Variants in SPAG17 observed in about 807,000 individuals in gnomAD.
SPAG17 encodes the protein sperm-associated antigen 17.
SPAG17 carries 169 observed loss-of-function variants against 273.6 expected under a neutral mutation model. The ratio of observed to expected loss-of-function variants is 0.62; its 90% CI spans 0.55 to 0.70. The LOEUF is 0.70. Among genes scored for constraint, SPAG17 ranks in the 30% least tolerant of loss-of-function variants. The pLI is 0.00. For missense variants in SPAG17, 2,557 were observed against 2,627.8 expected, an observed-to-expected ratio of 0.97 and a Z score of 0.59; for synonymous variants, 825 against 873.2, an observed-to-expected ratio of 0.94 and a Z score of 0.97.
At chr1:118,094,176 A>G (rs61836259) in intron 7 of SPAG17, among the ~76,000 whole-genome samples, 5,829 of 152,280 alleles carry the variant, frequency 0.038, 187 homozygotes, top group Non-Finnish European at 0.055. Flanking sequence ...ACTAAGACCA[A>G]GGCTTCTTCA....
intron 17 of SPAG17, among the ~76,000 whole-genome samples, chr1:118,069,357 A>AAAAAAAAAAAAAAAAAT (rs1653334663): frequency 1.3e-5 from 2 of 151,034 alleles, no homozygotes; most frequent in Non-Finnish European, 3.0e-5. Context: ...AAAAAAAAAA[A>AAAAAAAAAAAAAAAAAT]AGTGGTGGTA....
chr1:118,013,785 T>C (rs374641360), intron 29 of SPAG17, among the ~76,000 whole-genome samples: 12 of 152,298 alleles, frequency 7.9e-5, no homozygotes, highest in African/African-American at 2.9e-4. Context: ...TAGAATAGGA[T>C]AATCATTCTT....
chr1:118,127,846 G>T (rs908752506), intron 3 of SPAG17, among the ~76,000 whole-genome samples: 1 of 152,134 alleles, frequency 6.6e-6, no homozygotes, highest in African/African-American at 2.4e-5. Flanking sequence ...CTAGGTGGCT[G>T]GGCACAGTGG....
chr1:118,144,034 GCTAA>G (rs993892631), intron 3 of SPAG17, among the ~76,000 whole-genome samples: 9 of 152,208 alleles, frequency 5.9e-5, no homozygotes, highest in South Asian at 2.1e-4. Flanking sequence ...CTCCTGGACT[GCTAA>G]CTATTTGCCA....
chr1:118,022,119 C>T (rs1390723822), intron 28 of SPAG17, among the ~76,000 whole-genome samples: 1 of 152,020 alleles, frequency 6.6e-6, no homozygotes, highest in Non-Finnish European at 1.5e-5. Context: ...GTTTGTAAGG[C>T]AGGAGAGGCA....
intron 1 of SPAG17, among the ~76,000 whole-genome samples, chr1:118,179,823 CA>C (rs1660858328): frequency 6.6e-6 from 1 of 151,740 alleles, no homozygotes; most frequent in Non-Finnish European, 1.5e-5. Flanking sequence ...TACAAATGAC[CA>C]AAAGGTATAT....
chr1:117,957,103 C>T (rs760296489), intron 48 of SPAG17: 3 of 1,607,064 alleles, frequency 1.9e-6, no homozygotes, highest in African/African-American at 1.3e-5. Context: ...CTGCCTTTCT[C>T]TTATGTCCCA....
intron 1 of SPAG17, among the ~76,000 whole-genome samples, chr1:118,174,820 G>A (rs1026265421): frequency 8.5e-5 from 13 of 152,136 alleles, no homozygotes; most frequent in African/African-American, 3.1e-4. Flanking sequence ...TATATTTAAA[G>A]TGCTGAAAGA....
rs764137607 is a variant in SPAG17 at position 118,086,970 on chromosome 1, C to T, written c.1398G>A (p.Leu466=). 1 of 1,584,718 alleles carries T rather than the reference C, an allele frequency of 6.3e-7. No individual in the cohort carries two copies. Among genetic ancestry groups the T allele is most frequent in the Non-Finnish European group, 8.6e-7 (1 of 1,169,088 alleles). ...CGTCTGCTCTGGGGGATGGCTCCCG[C>T]AGACTGGGTGGGACGAGATCTTCTT... ...ATEEDLVPPS[L]REPSPRADGL... Residue 466 remains leucine (L), a synonymous_variant, in exon 11 of 49, where the codon CTG becomes CTA. Transcript: ENST00000336338.
At chr1:118,071,053 A>C (rs570001886) in intron 17 of SPAG17, among the ~76,000 whole-genome samples, 1 of 152,212 alleles carries the variant, frequency 6.6e-6, no homozygotes, top group African/African-American at 2.4e-5. Flanking sequence ...AAATGGCCCA[A>C]GAAAACAGAA....
intron 19 of SPAG17, 22 bp downstream of exon 19, chr1:118,055,711 A>T (rs570155533): frequency 2.6e-6 from 4 of 1,547,550 alleles, no homozygotes; most frequent in Non-Finnish European, 3.5e-6. Context: ...TATTCTACGT[A>T]TAAGTTGAAC....
intron 43 of SPAG17, among the ~76,000 whole-genome samples, chr1:117,974,756 A>G (rs1478634086): frequency 1.3e-5 from 2 of 152,220 alleles, no homozygotes; most frequent in Non-Finnish European, 2.9e-5. Flanking sequence ...GGAAATAAGA[A>G]TAGTATTTTA....
chr1:118,124,220 A>G (rs917689120), intron 3 of SPAG17, among the ~76,000 whole-genome samples: 4 of 152,156 alleles, frequency 2.6e-5, no homozygotes, highest in African/African-American at 9.7e-5. Context: ...TGGTTTTTAG[A>G]CTAAGATCTT....
chr1:118,031,933 CATTTACAACTCAAAA>C, intron 24 of SPAG17, 66 bp from the exon 25 acceptor site: 3 of 1,305,978 alleles, frequency 2.3e-6, no homozygotes, highest in Non-Finnish European at 3.2e-6. Context: ...TGTGAAATAA[CATTTACAACTCAAAA>C]ATTTACACAA....
intron 47 of SPAG17, 71 bp downstream of exon 47, chr1:117,966,538 C>A: frequency 7.5e-7 from 1 of 1,341,752 alleles, no homozygotes; most frequent in South Asian, 1.9e-5. Flanking sequence ...TGCATTTTGA[C>A]TTCCATGTTT....
In SPAG17 at chr1:118,055,747, A is replaced by G; in HGVS notation, c.2708T>C (p.Ile903Thr). The change falls in exon 19 of 49, where the codon ATT (isoleucine) becomes ACT (threonine). Residue 903 changes from isoleucine (I) to threonine (T), a missense_variant. Ile to Thr is a moderately conservative substitution (Grantham distance 89). Transcript: ENST00000336338. ...TGGTTACTTACTTTTAGATTCTTTA[A>G]TGGAAAAAATTTTGCTAGCAGAAGT... is the stretch of plus-strand genomic sequence containing the variant. ...KLTSASKIFS[I>T]KESKSNKGIS... 7 of 1,611,902 alleles carry G rather than the reference A, an allele frequency of 4.3e-6. No individual in the cohort carries two copies. The highest frequency in any genetic ancestry group is 5.9e-6 in the Non-Finnish European group (7 of 1,179,260).
At chr1:117,992,814 A>C (rs766001333) in intron 35 of SPAG17, among the ~76,000 whole-genome samples, 166 bp from the exon 36 acceptor site, 1 of 152,170 alleles carries the variant, frequency 6.6e-6, no homozygotes, top group Non-Finnish European at 1.5e-5. Flanking sequence ...TATAAGGAAA[A>C]TCGATAACAG....
chr1:118,141,725 G>A (rs1023205640), intron 3 of SPAG17, among the ~76,000 whole-genome samples: 2 of 152,166 alleles, frequency 1.3e-5, no homozygotes, highest in Non-Finnish European at 2.9e-5. Context: ...TTCACGTGAA[G>A]ATTTAATAAG....
At chr1:118,043,839 CTAA>C (rs1298304838) in intron 20 of SPAG17, among the ~76,000 whole-genome samples, 5 of 152,166 alleles carry the variant, frequency 3.3e-5, no homozygotes, top group African/African-American at 1.2e-4. Flanking sequence ...AAAAAAGTTG[CTAA>C]TGTTATTGAC....
Sources: gnomAD v4.1 joint callset for allele counts (sites outside exome capture counted in the v4.1 genomes callset) on GRCh38, gnomAD v4.1.1 for gene constraint, MANE v1.5 for transcripts, NCBI Gene and HGNC (gene_info 2026-07-23, HGNC 2026-07-21) for gene names.